RAB1A: variants seen among roughly 807,000 people sequenced by gnomAD.
RAB1A encodes ras-related protein Rab-1A.
In RAB1A, 2 loss-of-function variants were observed where a neutral mutation model predicts 26.0. The observed-to-expected ratio is 0.08, with a 90% CI of 0.03 to 0.24. The LOEUF is 0.24. Among genes scored for constraint, RAB1A ranks in the 10% least tolerant of loss-of-function variants. RAB1A has a pLI of 1.00. For missense variants in RAB1A, 100 were observed against 247.0 expected (o/e 0.40, Z 3.99); for synonymous variants, 84 against 84.9 (o/e 0.99, Z 0.06).
At chr2:65,113,669 A>C in intron 1 of RAB1A, among the ~76,000 whole-genome samples, 1 of 152,254 alleles carries the variant, frequency 6.6e-6, no homozygotes, top group East Asian at 1.9e-4. Context: ...TAGAGGATGA[A>C]TCAGCTTGTT....
At chr2:65,125,423 CTTTTT>C (rs35048150) in intron 1 of RAB1A, among the ~76,000 whole-genome samples, 2 of 127,276 alleles carry the variant, frequency 1.6e-5, no homozygotes, top group African/African-American at 3.0e-5. Context: ...GTATTTCTTT[CTTTTT>C]TTTTTTTTTT....
chr2:65,127,935 C>T (rs1670140438), intron 1 of RAB1A, among the ~76,000 whole-genome samples: 1 of 151,994 alleles, frequency 6.6e-6, no homozygotes, highest in Admixed American at 6.6e-5. Flanking sequence ...GGGGTTTCAC[C>T]GTGTTACCGA....
In RAB1A at chr2:65,108,328, C is replaced by A. The variant is rs1485110828; in HGVS notation, c.24-3522G>T. 2.1e-5 allele frequency among the ~76,000 whole-genome samples: 3 copies of A among 144,492 alleles called. No individual in the cohort carries two copies. The East Asian group carries it at 6.0e-4, about 29-fold the overall frequency. 94.8% of individuals were successfully genotyped at this position (144,492 alleles called of 152,430 possible). The stretch of plus-strand genomic sequence containing the variant: ...AGTGCGCTGACATCACACACTCCAG[C>A]CTAGGCAACAAGAGCAAAACTCCAT... On this transcript the variant is annotated intron_variant, in intron 1 of 5. Coordinates refer to ENST00000409784, the MANE Select transcript of RAB1A (RefSeq NM_004161.5).
rs1201745425 is a variant in RAB1A at position 65,103,299 on chromosome 2, C to CAAAAAAAAAAAAAAAAAAAA, written c.96+1434_96+1435insTTTTTTTTTTTTTTTTTTTT. 1.0e-3 allele frequency among the ~76,000 whole-genome samples: 46 copies of CAAAAAAAAAAAAAAAAAAAA among 44,074 alleles called. 1 individual carries two copies. Among genetic ancestry groups the CAAAAAAAAAAAAAAAAAAAA allele is most frequent in the African/African-American group, 1.9e-3 (24 of 12,926 alleles). The allele number at this position is 44,074 out of a possible 152,430, so 28.9% of individuals were successfully genotyped here. A position where few individuals can be genotyped will look rare whatever the true frequency, so the allele number is the denominator to read the frequency against. ...TTGGCAACACAGCCAGAATCTGTCT[C>CAAAAAAAAAAAAAAAAAAAA]AAAAAAAAAAAAAAACATTGTTTTA... On this transcript the variant is annotated intron_variant, in intron 2 of 5. Transcript: ENST00000409784.
intron 1 of RAB1A, among the ~76,000 whole-genome samples, chr2:65,122,649 C>A (rs1453166819): frequency 8.6e-5 from 13 of 152,028 alleles, no homozygotes; most frequent in Admixed American, 5.9e-4. Flanking sequence ...TAAACATGTT[C>A]ATATATTAGG....
chr2:65,125,657 G>A (rs1323866977), intron 1 of RAB1A, among the ~76,000 whole-genome samples: 4 of 151,232 alleles, frequency 2.6e-5, no homozygotes, highest in South Asian at 2.1e-4. Context: ...CAAATGATCC[G>A]CCCACCTCGG....
At chr2:65,098,472 C>T (rs1558578395) in intron 2 of RAB1A, among the ~76,000 whole-genome samples, 1 of 152,136 alleles carries the variant, frequency 6.6e-6, no homozygotes, top group Non-Finnish European at 1.5e-5. Context: ...AATTTATTCA[C>T]CACAAAACAA....
intron 1 of RAB1A, among the ~76,000 whole-genome samples, chr2:65,113,508 A>G (rs1299854153): frequency 6.6e-6 from 1 of 152,214 alleles, no homozygotes; most frequent in African/African-American, 2.4e-5. Flanking sequence ...TGAGACCCCC[A>G]TCTCTAAATA....
At chr2:65,122,974 CAAAAAA>C (rs751246247) in intron 1 of RAB1A, among the ~76,000 whole-genome samples, 24 of 34,622 alleles carry the variant, frequency 6.9e-4, no homozygotes, top group South Asian at 1.1e-3. Flanking sequence ...CCGTCTCAGA[CAAAAAA>C]AAAAAAAAAA....
At chr2:65,099,675 A>C (rs1177477561) in intron 2 of RAB1A, among the ~76,000 whole-genome samples, 1 of 152,204 alleles carries the variant, frequency 6.6e-6, no homozygotes, top group Non-Finnish European at 1.5e-5. Flanking sequence ...CCCAGGCTAG[A>C]GTACAATCGT....
chr2:65,128,477 T>A (rs1355462549), intron 1 of RAB1A, among the ~76,000 whole-genome samples: 1 of 152,184 alleles, frequency 6.6e-6, no homozygotes, highest in African/African-American at 2.4e-5. Flanking sequence ...AAATTTTTTT[T>A]AAACTGTCAA....
intron 1 of RAB1A, among the ~76,000 whole-genome samples, chr2:65,110,313 C>T (rs977483839): frequency 3.3e-5 from 5 of 151,874 alleles, no homozygotes; most frequent in Admixed American, 6.6e-5. Context: ...TGGCGGCACA[C>T]GCCTGTAGTC....
intron 1 of RAB1A, among the ~76,000 whole-genome samples, chr2:65,125,410 T>C (rs1435495296): frequency 6.6e-6 from 1 of 151,274 alleles, no homozygotes; most frequent in African/African-American, 2.4e-5. Context: ...AGAATAATGT[T>C]AAGTATTTCT....
At chr2:65,129,229 G>T (rs1284582369) in intron 1 of RAB1A, among the ~76,000 whole-genome samples, 1 of 144,318 alleles carries the variant, frequency 6.9e-6, no homozygotes, top group African/African-American at 2.6e-5. Flanking sequence ...TCTCACAAAT[G>T]CCCAGGTTTT....
At chr2:65,094,579 C>A in intron 3 of RAB1A, among the ~76,000 whole-genome samples, 1 of 99,660 alleles carries the variant, frequency 1.0e-5, no homozygotes. Flanking sequence ...AGCGAAACTC[C>A]GTCTCAAAAA....
chr2:65,098,796 T>C (rs1347996702), intron 2 of RAB1A, among the ~76,000 whole-genome samples: 2 of 151,068 alleles, frequency 1.3e-5, no homozygotes, highest in African/African-American at 4.9e-5. Flanking sequence ...TAGCAGAATG[T>C]TTTCAAGGTT....
At chr2:65,101,345 CCAAA>C (rs952406325) in intron 2 of RAB1A, among the ~76,000 whole-genome samples, 10 of 152,142 alleles carry the variant, frequency 6.6e-5, no homozygotes, top group Admixed American at 1.3e-4. Context: ...TACTGAGTGT[CCAAA>C]CAATTTCTTC....
intron 2 of RAB1A, among the ~76,000 whole-genome samples, chr2:65,103,462 G>A (rs887649354): frequency 6.6e-6 from 1 of 152,038 alleles, no homozygotes; most frequent in Non-Finnish European, 1.5e-5. Flanking sequence ...GTTCCTGTGA[G>A]GGCACAGAGG....
chr2:65,110,783 T>G (rs910303279), intron 1 of RAB1A, among the ~76,000 whole-genome samples: 3 of 151,346 alleles, frequency 2.0e-5, no homozygotes, highest in Non-Finnish European at 4.4e-5. Flanking sequence ...AATATTTTTT[T>G]TAATTAGCTG....
Sources: gnomAD v4.1 joint callset for allele counts (sites outside exome capture counted in the v4.1 genomes callset) on GRCh38, gnomAD v4.1.1 for gene constraint, MANE v1.5 for transcripts, NCBI Gene and HGNC (gene_info 2026-07-23, HGNC 2026-07-21) for gene names.